MUC3A: variants seen among roughly 807,000 people sequenced by gnomAD.
MUC3A encodes mucin 3A, cell surface associated.
MUC3A carries 109 observed loss-of-function variants against 109.0 expected under a neutral mutation model. That is an observed-to-expected ratio of 1.00 (90% CI 0.86 to 1.17). MUC3A has a LOEUF of 1.17. Among genes scored for constraint, MUC3A ranks in the 50% most tolerant of loss-of-function variants. The pLI, the probability that MUC3A is intolerant of heterozygous loss-of-function variation, is 0.00. For synonymous variants in MUC3A, 1,398 were observed against 981.4 expected (o/e 1.42, Z -7.93); for missense variants, 3,537 against 2,469.4 (o/e 1.43, Z -9.16).
rs1400125442 is a variant in MUC3A at position 100,967,541 on chromosome 7, C to G, written c.*379C>G. 3 of 474,522 alleles carry G rather than the reference C, an allele frequency of 6.3e-6. No individual in the cohort carries two copies. The highest frequency in any genetic ancestry group is 7.0e-5 in the East Asian group (2 of 28,766). 29.4% of individuals were successfully genotyped at this position (474,522 alleles called of 1,614,324 possible). A position where few individuals can be genotyped will look rare whatever the true frequency, so the allele number is the denominator to read the frequency against. On this transcript the variant is annotated 3_prime_UTR_variant, in exon 12 of 12. Transcript: ENST00000379458. ...CTCAGCCCTCGTGTTGCCATTGCCT[C>G]TCTCGGATCCTCCAATCCTCACGTC...
In MUC3A at chr7:100,968,278, C is replaced by G; in HGVS notation, c.*1116C>G. On this transcript the variant is annotated 3_prime_UTR_variant, in exon 12 of 12. Coordinates refer to ENST00000379458, the MANE Select transcript of MUC3A (RefSeq NM_005960.2). ...CAGTCGCCTTGGCGGGGAAGATTGG[C>G]TTTGGGGACAGGAAGTCGGCACATC... 1 of 153,084 alleles carries G rather than the reference C, an allele frequency of 6.5e-6. No individual in the cohort carries two copies. The highest frequency in any genetic ancestry group is 1.5e-5 in the Non-Finnish European group (1 of 68,498). The allele number at this position is 153,084 out of a possible 1,614,324, so 9.5% of individuals were successfully genotyped here. A position where few individuals can be genotyped will look rare whatever the true frequency, so the allele number is the denominator to read the frequency against.
Position 100,959,645 on chromosome 7 carries a change from G to C in MUC3A, c.7866G>C (p.Thr2622=). Residue 2622 remains threonine, a synonymous_variant, in exon 2 of 12, where the codon ACG becomes ACC. Transcript: ENST00000379458. ...HTLTPSTALS[T]IVSTSQVPIP... is the part of the protein sequence containing the mutation. ...TTACTCCATCAACAGCCTTGAGCACGATCGTGTCAACATCACAGGTTCCTA... is the reference window on the plus strand; with the variant it reads ...TTACTCCATCAACAGCCTTGAGCACCATCGTGTCAACATCACAGGTTCCTA... 6.3e-7 allele frequency: 1 copy of C among 1,598,516 alleles called. No individual in the cohort carries two copies.
rs767011608 is a variant in MUC3A, at chr7:100,965,883, C to A, written c.9611+17C>A. The A allele has an allele frequency of 3.2e-6, 5 of 1,581,646 alleles. No homozygotes were observed. The highest frequency in any genetic ancestry group is 1.7e-5 in the Admixed American group (1 of 59,034). On this transcript the variant is annotated intron_variant, in intron 8 of 11. Transcript: ENST00000379458. ...CACGTGTCGGTAAGGCCCCGCTCAC[C>A]ATCGGCATCAGCCGAGCCCCTCCCA...
Position 100,956,916 on chromosome 7 carries a change from G to A in MUC3A, c.5137G>A (p.Glu1713Lys). 1 of 412,238 alleles carries A rather than the reference G, an allele frequency of 2.4e-6. No individual in the cohort carries two copies. 25.5% of individuals were successfully genotyped at this position (412,238 alleles called of 1,614,324 possible). A position where few individuals can be genotyped will look rare whatever the true frequency, so the allele number is the denominator to read the frequency against. ...GTCATTCACAACATTTACAAAGATG[G>A]AAACACCTTCATCCACTGTAGCAAC... ...TMSFTTFTKMETPSSTVATTG... is the reference protein window; with the variant it reads ...TMSFTTFTKMKTPSSTVATTG... The change falls in exon 2 of 12, where the codon GAA becomes AAA. Residue 1713 changes from glutamate (E) to lysine (K), a missense_variant. Coordinates refer to ENST00000379458, the MANE Select transcript of MUC3A (RefSeq NM_005960.2).
Position 100,952,889 on chromosome 7 carries a change from C to G in MUC3A, c.1110C>G (p.Thr370=). ...TLSTETSLPP[T]SSSLPTTETA... ...CCACAGAGACTTCTCTCCCACCCAC[C>G]TCTTCCTCTCTCCCAACCACAGAAA... Residue 370 remains threonine, a synonymous_variant, in exon 2 of 12, where the codon ACC becomes ACG. Transcript: ENST00000379458. 2.1e-6 allele frequency: 3 copies of G among 1,440,890 alleles called. No individual in the cohort carries two copies. The highest frequency in any genetic ancestry group is 2.7e-6 in the Non-Finnish European group (3 of 1,101,920). 89.3% of individuals were successfully genotyped at this position (1,440,890 alleles called of 1,614,324 possible). A position where few individuals can be genotyped will look rare whatever the true frequency, so the allele number is the denominator to read the frequency against.
Position 100,960,538 on chromosome 7 carries a change from C to A in MUC3A, c.8759C>A (p.Ser2920Ter), listed in dbSNP as rs777541592. 82 of 1,598,618 alleles carry A rather than the reference C, an allele frequency of 5.1e-5. No individual in the cohort carries two copies. The highest frequency in any genetic ancestry group is 6.9e-5 in the Non-Finnish European group (81 of 1,179,824). Residue 2920 changes from serine (S) to a stop codon, truncating the protein, a stop_gained, in exon 2 of 12, where the codon TCA becomes TAA. Transcript: ENST00000379458. LOFTEE classifies it high-confidence loss of function. ...THPSPPTTRT[S>*]ETPVATTQTP... Reference sequence around the variant, plus strand: ...CCCTCCCCACCCACCACTAGGACTTCAGAGACACCAGTGGCCACTACCCAG... The same window carrying A: ...CCCTCCCCACCCACCACTAGGACTTAAGAGACACCAGTGGCCACTACCCAG...
In MUC3A at chr7:100,957,824, C is replaced by A; in HGVS notation, c.6045C>A (p.Thr2015=). ...STPSFTSSIT[T]TETTSHNTPS... ...CCAGCTTCACTTCTTCCATCACCAC[C>A]ACTGAGACCACATCCCACAATACTC... Residue 2015 remains threonine (T), a synonymous_variant, in exon 2 of 12, where the codon ACC becomes ACA. Transcript: ENST00000379458. The A allele has an allele frequency of 1.2e-6, 1 of 854,870 alleles. No homozygotes were observed. Among genetic ancestry groups the A allele is most frequent in the Non-Finnish European group, 2.0e-6 (1 of 502,584 alleles). The allele number at this position is 854,870 out of a possible 1,614,324, so 53.0% of individuals were successfully genotyped here. A position where few individuals can be genotyped will look rare whatever the true frequency, so the allele number is the denominator to read the frequency against.
chr7:100,965,129 CG>C, intron 6 of MUC3A, 152 bp from the exon 7 acceptor site: 1 of 1,111,794 alleles, frequency 9.0e-7, no homozygotes, highest in Non-Finnish European at 1.2e-6. Flanking sequence ...CAGGAGTCTT[CG>C]CCTGTGGCTC....
chr7:100,962,380 T>C (rs1792356437), intron 3 of MUC3A, among the ~76,000 whole-genome samples: 1 of 152,294 alleles, frequency 6.6e-6, no homozygotes. Context: ...ATCCCCCTAT[T>C]GCACTTCAGC....
In MUC3A at chr7:100,959,861, A is replaced by C; in HGVS notation, c.8082A>C (p.Pro2694=). Residue 2694 remains proline (P), a synonymous_variant, in exon 2 of 12, where the codon CCA becomes CCC. Transcript: ENST00000379458. ...STPTIIMSSS[P]SSASITPVFS... Reference sequence around the variant, plus strand: ...CCACTATTATCATGTCCTCTTCTCCATCTTCTGCCAGCATAACTCCAGTGT... The same window carrying C: ...CCACTATTATCATGTCCTCTTCTCCCTCTTCTGCCAGCATAACTCCAGTGT... 6.4e-7 allele frequency: 1 copy of C among 1,552,398 alleles called. No individual in the cohort carries two copies. Among genetic ancestry groups the C allele is most frequent in the Non-Finnish European group, 8.7e-7 (1 of 1,155,974 alleles).
rs1792058169 is a variant in MUC3A, at chr7:100,954,804, C to G, written c.3025C>G (p.Pro1009Ala). 2.5e-6 allele frequency: 1 copy of G among 404,794 alleles called. No individual in the cohort carries two copies. Among genetic ancestry groups the G allele is most frequent in the African/African-American group, 2.1e-5 (1 of 48,770 alleles). 25.1% of individuals were successfully genotyped at this position (404,794 alleles called of 1,614,324 possible). A position where few individuals can be genotyped will look rare whatever the true frequency, so the allele number is the denominator to read the frequency against. Residue 1009 changes from proline (P) to alanine (A), a missense_variant, in exon 2 of 12, where the codon CCC becomes GCC. By Grantham distance (27) the Pro-to-Ala change is conservative. Coordinates refer to ENST00000379458, the MANE Select transcript of MUC3A (RefSeq NM_005960.2). ...SLTTAMTSPP[P>A]VSSSITPTNT... Reference sequence around the variant, plus strand: ...CACAACAGCCATGACTTCTCCTCCCCCCGTCAGTTCTTCAATCACTCCCAC... The same window carrying G: ...CACAACAGCCATGACTTCTCCTCCCGCCGTCAGTTCTTCAATCACTCCCAC...
In MUC3A at chr7:100,958,586, T is replaced by G. The variant is rs1792172279; in HGVS notation, c.6807T>G (p.Asp2269Glu). 9.5e-5 allele frequency: 124 copies of G among 1,301,178 alleles called. 1 individual carries two copies. Among genetic ancestry groups the G allele is most frequent in the Admixed American group, 7.0e-5 (4 of 57,304 alleles). The allele number at this position is 1,301,178 out of a possible 1,614,324, so 80.6% of individuals were successfully genotyped here. The change falls in exon 2 of 12, where the codon GAT becomes GAG. Residue 2269 changes from aspartate to glutamate, a missense_variant. Transcript: ENST00000379458. The stretch of plus-strand genomic sequence containing the variant: ...CCACCACTGAGACCACCTCACATGA[T>G]ACTCCCAGCTTCACTTCTTCAATCA... ...SITTTETTSH[D>E]TPSFTSSITT... is the part of the protein sequence containing the mutation.
rs772292992 is a variant in MUC3A at position 100,959,755 on chromosome 7, C to G, written c.7976C>G (p.Thr2659Ser). The G allele has an allele frequency of 6.2e-5, 99 of 1,598,050 alleles. No homozygotes were observed. The Admixed American group carries it at 8.8e-4, about 14-fold the overall frequency. The change falls in exon 2 of 12, where the codon ACT becomes AGT. Residue 2659 changes from threonine (T) to serine (S), a missense_variant. Transcript: ENST00000379458. ...TCACTCACATCTACAAGTGAGTTCA[C>G]TACAGAATCTTTCACTAGGGGAAGT... The part of the protein sequence containing the change: ...QTSLTSTSEF[T>S]TESFTRGSTS...
chr7:100,963,713 A>T lies in MUC3A; in HGVS notation c.9194A>T (p.Gln3065Leu). 1 of 1,598,530 alleles carries T rather than the reference A, an allele frequency of 6.3e-7. No homozygotes were observed. Among genetic ancestry groups the T allele is most frequent in the Non-Finnish European group, 8.5e-7 (1 of 1,179,814 alleles). Residue 3065 changes from glutamine (Q) to leucine (L), a missense_variant, in exon 5 of 12, where the codon CAG (glutamine) becomes CTG (leucine). Transcript: ENST00000379458. ...NQMQKIFADM[Q>L]GFTFKGVEIL... The stretch of plus-strand genomic sequence containing the variant: ...ATGCAGAAGATTTTTGCAGACATGC[A>T]GGGCTTCACCTTCAAGGGTGTGGAG...
At chr7:100,964,113 G>A (rs906154391) in intron 5 of MUC3A, 10 of 401,212 alleles carry the variant, frequency 2.5e-5, no homozygotes, top group Non-Finnish European at 3.2e-5. Context: ...GTCTAGGGGC[G>A]CCCGGTGGAT....
rs1453632812 is a variant in MUC3A, at chr7:100,956,869, C to A, written c.5090C>A (p.Thr1697Asn). 1 of 414,064 alleles carries A rather than the reference C, an allele frequency of 2.4e-6. No individual in the cohort carries two copies. Among genetic ancestry groups the A allele is most frequent in the Non-Finnish European group, 4.2e-6 (1 of 236,832 alleles). The allele number at this position is 414,064 out of a possible 1,614,324, so 25.6% of individuals were successfully genotyped here. A position where few individuals can be genotyped will look rare whatever the true frequency, so the allele number is the denominator to read the frequency against. ...TSTLHTTAES[T>N]PSPTTTMSFT... ...ACACTCCACACAACAGCTGAATCCA[C>A]CCCATCACCTACAACCACCATGTCA... is the stretch of plus-strand genomic sequence containing the variant. The change falls in exon 2 of 12, where the codon ACC (threonine) becomes AAC (asparagine). Residue 1697 changes from threonine (T) to asparagine (N), a missense_variant. Coordinates refer to ENST00000379458, the MANE Select transcript of MUC3A (RefSeq NM_005960.2).
In MUC3A at chr7:100,966,898, G is replaced by C; in HGVS notation, c.9878-1G>C. On this transcript the variant is annotated splice_acceptor_variant, in intron 10 of 11. Coordinates refer to ENST00000379458, the MANE Select transcript of MUC3A (RefSeq NM_005960.2). LOFTEE classifies it high-confidence loss of function. ...CTTTCTCCGCTCCTCTCTCTCTCTA[G>C]ACAAGGATACAAATTTCTATGTGGC... The C allele has an allele frequency of 1.3e-6, 2 of 1,598,538 alleles. No homozygotes were observed. Among genetic ancestry groups the C allele is most frequent in the African/African-American group, 1.3e-5 (1 of 75,084 alleles).
chr7:100,965,431 C>A, intron 7 of MUC3A, 84 bp downstream of exon 7: 1 of 1,545,938 alleles, frequency 6.5e-7, no homozygotes, highest in Non-Finnish European at 8.7e-7. Flanking sequence ...AGCCTGTGGG[C>A]AGGGAGAGAC....
intron 7 of MUC3A, 174 bp downstream of exon 7, chr7:100,965,521 G>A (rs1457458463): frequency 1.3e-5 from 19 of 1,415,802 alleles, no homozygotes; most frequent in Non-Finnish European, 1.8e-5. Context: ...GACAGCAGGG[G>A]CCACGAGGAG....
Sources: allele counts gnomAD v4.1 joint callset (sites outside exome capture counted in the v4.1 genomes callset), GRCh38; gene constraint gnomAD v4.1.1; transcripts MANE v1.5; gene names NCBI Gene and HGNC (gene_info 2026-07-23, HGNC 2026-07-21).